Variants in DOCK4 observed in about 807,000 individuals in gnomAD.
DOCK4 encodes the protein dedicator of cytokinesis protein 4.
DOCK4 carries 97 observed loss-of-function variants against 268.1 expected under a neutral mutation model. That is an observed-to-expected ratio of 0.36 (90% confidence interval 0.31 to 0.43). The LOEUF is 0.43. Among genes scored for constraint, DOCK4 ranks in the 20% least tolerant of loss-of-function variants. The pLI is 1.00. For synonymous variants in DOCK4, 954 were observed against 887.2 expected (o/e 1.08, Z -1.34); for missense variants, 2,145 against 2,455.7 (o/e 0.87, Z 2.67).
At chr7:111,788,963 T>C (rs550722945) in intron 31 of DOCK4, 1 of 577,620 alleles carries the variant, frequency 1.7e-6, no homozygotes, top group Admixed American at 2.9e-5. Context: ...GGGTAGCGTT[T>C]ACTGCTGCCA....
chr7:112,169,846 G>A (rs1159877486), intron 1 of DOCK4, among the ~76,000 whole-genome samples: 3 of 152,324 alleles, frequency 2.0e-5, no homozygotes, highest in African/African-American at 7.2e-5. Flanking sequence ...GCTGAGCAGT[G>A]CTGCCACTGG....
chr7:111,981,033 A>G (rs1040263444), intron 7 of DOCK4, among the ~76,000 whole-genome samples: 2 of 152,230 alleles, frequency 1.3e-5, no homozygotes, highest in African/African-American at 2.4e-5. Flanking sequence ...GGTGAGAAAG[A>G]TCTGCTAACA....
intron 49 of DOCK4, among the ~76,000 whole-genome samples, chr7:111,738,536 T>C (rs1176089120): frequency 6.6e-6 from 1 of 151,892 alleles, no homozygotes; most frequent in East Asian, 1.9e-4. Context: ...TTCACCCAAC[T>C]ACTTTGCATA....
chr7:112,195,994 G>A (rs776685004), intron 1 of DOCK4, among the ~76,000 whole-genome samples: 5 of 152,120 alleles, frequency 3.3e-5, no homozygotes, highest in Admixed American at 3.3e-4. Flanking sequence ...TAAATGTCAT[G>A]CTCTCCCCTC....
At chr7:111,854,279 T>C (rs1429392832) in intron 23 of DOCK4, among the ~76,000 whole-genome samples, 3 of 152,206 alleles carry the variant, frequency 2.0e-5, no homozygotes, top group African/African-American at 4.8e-5. Context: ...GGTTATGTTA[T>C]CTATAGATTA....
At chr7:111,877,930 T>G (rs185470583) in intron 16 of DOCK4, among the ~76,000 whole-genome samples, 2 of 152,184 alleles carry the variant, frequency 1.3e-5, no homozygotes, top group Admixed American at 6.5e-5. Context: ...TATAACTGCA[T>G]GTGGGGGAAT....
intron 1 of DOCK4, among the ~76,000 whole-genome samples, chr7:112,148,000 T>A (rs1010861433): frequency 9.9e-5 from 15 of 151,742 alleles, no homozygotes; most frequent in Non-Finnish European, 2.2e-4. Flanking sequence ...TCTCTCCCTC[T>A]CCTCCACACT....
chr7:112,139,693 T>C (rs1814707782), intron 1 of DOCK4, among the ~76,000 whole-genome samples: 2 of 152,286 alleles, frequency 1.3e-5, no homozygotes, highest in South Asian at 2.1e-4. Flanking sequence ...CTAAAACATA[T>C]ACATATAGTC....
At chr7:111,749,237 T>C (rs1796476014) in intron 42 of DOCK4, among the ~76,000 whole-genome samples, 1 of 152,176 alleles carries the variant, frequency 6.6e-6, no homozygotes, top group African/African-American at 2.4e-5. Context: ...CTTTGTTTTA[T>C]GTACACAAAA....
chr7:112,063,895 T>C (rs1419433525), intron 1 of DOCK4, among the ~76,000 whole-genome samples: 1 of 152,208 alleles, frequency 6.6e-6, no homozygotes, highest in African/African-American at 2.4e-5. Context: ...CATTTTTGGG[T>C]ACCCCAAGTC....
At chr7:112,016,012 C>G (rs1488080916) in intron 1 of DOCK4, among the ~76,000 whole-genome samples, 1 of 152,186 alleles carries the variant, frequency 6.6e-6, no homozygotes, top group Non-Finnish European at 1.5e-5. Flanking sequence ...TTGGCAACAC[C>G]TGAGTTTTTA....
intron 1 of DOCK4, among the ~76,000 whole-genome samples, chr7:112,025,235 C>T (rs1429190986): frequency 1.3e-5 from 2 of 152,096 alleles, no homozygotes; most frequent in Non-Finnish European, 2.9e-5. Flanking sequence ...TAAAAAGCTG[C>T]CTTTTCTACC....
At chr7:111,984,767 T>C (rs1204923885) in intron 6 of DOCK4, among the ~76,000 whole-genome samples, 3 of 152,170 alleles carry the variant, frequency 2.0e-5, no homozygotes, top group East Asian at 3.9e-4. Flanking sequence ...GTTCTAGAAA[T>C]TGGAGTTGAG....
At chr7:111,832,527 G>C (rs981557152) in intron 26 of DOCK4, among the ~76,000 whole-genome samples, 1 of 151,988 alleles carries the variant, frequency 6.6e-6, no homozygotes, top group Non-Finnish European at 1.5e-5. Context: ...TAGTCAGAAG[G>C]CCTTGCTATT....
Position 111,941,766 on chromosome 7 carries a change from T to C in DOCK4, c.845-1524A>G, listed in dbSNP as rs145537306. On this transcript the variant is annotated intron_variant, in intron 10 of 52. Transcript: ENST00000428084. ...TGTTTGTTTGTTTTTAAACAACCCCTTCATCTAAAGCTGCACTAAAGAAAA... is the reference window on the plus strand; with the variant it reads ...TGTTTGTTTGTTTTTAAACAACCCCCTCATCTAAAGCTGCACTAAAGAAAA... Among the ~76,000 whole-genome samples, 839 of 152,218 alleles carry C rather than the reference T, an allele frequency of 5.5e-3. 10 individuals carry two copies. Among genetic ancestry groups the C allele is most frequent in the Non-Finnish European group, 5.2e-3 (354 of 68,012 alleles).
At chr7:111,905,081 C>T (rs531804948) in intron 13 of DOCK4, among the ~76,000 whole-genome samples, 3 of 152,296 alleles carry the variant, frequency 2.0e-5, no homozygotes, top group Non-Finnish European at 4.4e-5. Flanking sequence ...AATTTTACAG[C>T]TTGCTTATGT....
intron 1 of DOCK4, among the ~76,000 whole-genome samples, chr7:112,057,645 T>C (rs1249379422): frequency 1.3e-5 from 2 of 151,836 alleles, no homozygotes; most frequent in Non-Finnish European, 2.9e-5. Context: ...CTTGGTGGTA[T>C]GTGCCTGTAG....
chr7:111,986,538 G>A (rs888076863), intron 6 of DOCK4, among the ~76,000 whole-genome samples: 3 of 152,202 alleles, frequency 2.0e-5, no homozygotes, highest in Non-Finnish European at 2.9e-5. Flanking sequence ...AATGAGGCAA[G>A]TAGGGAAGAG....
chr7:112,147,927 T>C (rs564748449), intron 1 of DOCK4, among the ~76,000 whole-genome samples: 30 of 150,944 alleles, frequency 2.0e-4, no homozygotes, highest in African/African-American at 6.3e-4. Context: ...CCCATCTCAT[T>C]TCACAGCCTC....
Sources: gnomAD v4.1 joint callset for allele counts (sites outside exome capture counted in the v4.1 genomes callset) on GRCh38, gnomAD v4.1.1 for gene constraint, MANE v1.5 for transcripts, NCBI Gene and HGNC (gene_info 2026-07-23, HGNC 2026-07-21) for gene names.